The following SYT9 variants were observed in gnomAD, a reference collection of about 807,000 sequenced individuals.
SYT9 encodes synaptotagmin-9.
A neutral mutation model predicts 48.4 loss-of-function variants in SYT9; 22 were observed. The ratio of observed to expected loss-of-function variants is 0.45; its 90% CI spans 0.32 to 0.65. The LOEUF (loss-of-function observed/expected upper bound fraction) is 0.65, where lower values mean the gene tolerates loss of function less well. Ranked by LOEUF, SYT9 falls within the 30% of genes least tolerant of loss-of-function variation. The pLI is 0.03. For missense variants in SYT9, 577 were observed against 622.0 expected (o/e 0.93, Z 0.77); for synonymous variants, 265 against 245.0 (o/e 1.08, Z -0.76).
chr11:7,411,229 T>C (rs984937325), intron 3 of SYT9, among the ~76,000 whole-genome samples: 3 of 152,228 alleles, frequency 2.0e-5, no homozygotes, highest in African/African-American at 7.2e-5. Context: ...TTGTATGTTC[T>C]TTATTCCTCT....
At chr11:7,256,504 A>G (rs1199723945) in intron 1 of SYT9, among the ~76,000 whole-genome samples, 1 of 152,188 alleles carries the variant, frequency 6.6e-6, no homozygotes, top group Non-Finnish European at 1.5e-5. Flanking sequence ...AGTCCATTTA[A>G]AAGAAGAATT....
intron 5 of SYT9, among the ~76,000 whole-genome samples, chr11:7,418,713 T>C (rs1212754072): frequency 1.3e-5 from 2 of 152,218 alleles, no homozygotes; most frequent in Non-Finnish European, 2.9e-5. Context: ...GCTCAACTTT[T>C]TAATTAATAC....
chr11:7,398,600 TG>T (rs1846808232), intron 3 of SYT9, among the ~76,000 whole-genome samples: 1 of 151,986 alleles, frequency 6.6e-6, no homozygotes, highest in Middle Eastern at 3.2e-3. Flanking sequence ...TTAGTAGAGA[TG>T]GGGTTTCACC....
At chr11:7,295,122 A>G (rs566925880) in intron 1 of SYT9, among the ~76,000 whole-genome samples, 93 of 152,318 alleles carry the variant, frequency 6.1e-4, no homozygotes, top group African/African-American at 2.0e-3. Flanking sequence ...TGCAATGTGG[A>G]TAGACTGAGA....
At chr11:7,451,523 C>T (rs1590040433) in intron 6 of SYT9, among the ~76,000 whole-genome samples, 1 of 152,196 alleles carries the variant, frequency 6.6e-6, no homozygotes, top group Non-Finnish European at 1.5e-5. Context: ...GGACTCACCC[C>T]TCTTCCCCCT....
intron 3 of SYT9, among the ~76,000 whole-genome samples, chr11:7,404,199 G>C (rs1337563126): frequency 6.6e-6 from 1 of 152,020 alleles, no homozygotes; most frequent in East Asian, 1.9e-4. Context: ...ATTTAAGGTA[G>C]ATTTCTTGAA....
chr11:7,374,634 T>A (rs892432159), intron 3 of SYT9, among the ~76,000 whole-genome samples: 1 of 152,238 alleles, frequency 6.6e-6, no homozygotes, highest in Non-Finnish European at 1.5e-5. Context: ...AGATGGTATC[T>A]CATTGTGGTT....
chr11:7,354,871 G>C (rs995637959), intron 3 of SYT9, among the ~76,000 whole-genome samples: 1 of 151,920 alleles, frequency 6.6e-6, no homozygotes. Context: ...TGATGGCATT[G>C]CCTCTCAGGA....
chr11:7,344,962 A>T (rs1849775227), intron 3 of SYT9, among the ~76,000 whole-genome samples: 1 of 143,432 alleles, frequency 7.0e-6, no homozygotes, highest in Non-Finnish European at 1.5e-5. Context: ...ACACACACAC[A>T]CTTGAATTTT....
At chr11:7,372,384 C>A (rs1051116920) in intron 3 of SYT9, among the ~76,000 whole-genome samples, 1 of 152,116 alleles carries the variant, frequency 6.6e-6, no homozygotes, top group African/African-American at 2.4e-5. Context: ...ACAATCTCAG[C>A]TTGCTGTAAC....
chr11:7,468,588 A>C lies in SYT9; in HGVS notation c.*1788A>C, dbSNP rs4351800. 198,702 of 340,782 alleles carry C rather than the reference A, an allele frequency of 0.58. 58,956 individuals are homozygous for C. The highest frequency in any genetic ancestry group is 0.65 in the African/African-American group (30,562 of 47,272). 21.1% of individuals were successfully genotyped at this position (340,782 alleles called of 1,614,324 possible). On this transcript the variant is annotated 3_prime_UTR_variant, in exon 7 of 7. Coordinates refer to ENST00000318881, the MANE Select transcript of SYT9 (RefSeq NM_175733.4). ...AGCGCCACCAGGATAGTTAGCAGAA[A>C]TATTGTCTGTAAAGCTAGGCAGATG...
intron 1 of SYT9, among the ~76,000 whole-genome samples, chr11:7,240,319 T>G (rs1051477114): frequency 2.0e-5 from 3 of 152,132 alleles, no homozygotes; most frequent in Non-Finnish European, 4.4e-5. Context: ...TGTTTGAAGT[T>G]TCATATAGCA....
chr11:7,252,414 G>A lies in SYT9; in HGVS notation c.145+83G>A. On this transcript the variant is annotated intron_variant, in intron 1 of 6. Coordinates refer to ENST00000318881, the MANE Select transcript of SYT9 (RefSeq NM_175733.4). The surrounding 1 kb of genome is among the most constrained non-coding windows in gnomAD (Gnocchi z 6.3). ...CCGCACCGGGGCCTGAGGCAGAACAGCGACGCGGACTGGGAGAGGGCGGGG... is the reference window on the plus strand; with the variant it reads ...CCGCACCGGGGCCTGAGGCAGAACAACGACGCGGACTGGGAGAGGGCGGGG... The A allele has an allele frequency of 1.5e-6, 2 of 1,325,214 alleles. No individual in the cohort carries two copies. Among genetic ancestry groups the A allele is most frequent in the Non-Finnish European group, 9.7e-7 (1 of 1,035,216 alleles). The allele number at this position is 1,325,214 out of a possible 1,614,324, so 82.1% of individuals were successfully genotyped here.
intron 1 of SYT9, among the ~76,000 whole-genome samples, chr11:7,254,332 G>T (rs751941148): frequency 6.6e-6 from 1 of 152,110 alleles, no homozygotes; most frequent in Non-Finnish European, 1.5e-5. Context: ...GGGGGTTTTC[G>T]AGTGCAAGGT....
intron 1 of SYT9, among the ~76,000 whole-genome samples, chr11:7,264,311 G>T (rs1848132952): frequency 6.6e-6 from 1 of 152,114 alleles, no homozygotes; most frequent in Non-Finnish European, 1.5e-5. Context: ...TGAAGTTGGC[G>T]ATCATGAATT....
intron 6 of SYT9, among the ~76,000 whole-genome samples, chr11:7,430,450 T>C (rs1564901028): frequency 6.6e-6 from 1 of 152,160 alleles, no homozygotes; most frequent in Non-Finnish European, 1.5e-5. Context: ...AATAGGGTGA[T>C]TTTTTCCTTC....
At chr11:7,442,289 GAA>G (rs1847842601) in intron 6 of SYT9, among the ~76,000 whole-genome samples, 1 of 152,166 alleles carries the variant, frequency 6.6e-6, no homozygotes, top group African/African-American at 2.4e-5. Flanking sequence ...AGGGGCTGGA[GAA>G]CACGTCTCCA....
chr11:7,242,938 C>T lies in SYT9; in HGVS notation c.49+4022C>T, dbSNP rs953322280. ...GTGGGTGCCTGTAATCCCAGCTCCT[C>T]GGCAGGCTGAGGCGGGAGAATTGCT... On this transcript the variant is annotated intron_variant and NMD_transcript_variant, in intron 1 of 8. Coordinates refer to the SYT9 transcript ENST00000524820. Among the ~76,000 whole-genome samples the T allele has an allele frequency of 3.3e-5, 5 of 151,970 alleles. No individual in the cohort carries two copies. In the East Asian group the frequency reaches 7.7e-4, roughly 23 times the overall value.
At chr11:7,434,473 G>A (rs1847665593) in intron 6 of SYT9, among the ~76,000 whole-genome samples, 1 of 152,166 alleles carries the variant, frequency 6.6e-6, no homozygotes, top group Non-Finnish European at 1.5e-5. Flanking sequence ...GATCAAGGTA[G>A]GATCCTGCTT....
Sources: gnomAD v4.1 joint callset for allele counts (sites outside exome capture counted in the v4.1 genomes callset) on GRCh38, gnomAD v4.1.1 for gene constraint, Gnocchi (gnomAD v3.1) non-coding constraint, MANE v1.5 for transcripts, NCBI Gene and HGNC (gene_info 2026-07-23, HGNC 2026-07-21) for gene names.